The following OBP2B variants were observed in gnomAD, a reference collection of about 807,000 sequenced individuals.
OBP2B encodes the protein odorant binding protein 2B, also known as odorant-binding protein 2b.
OBP2B carries 10 observed loss-of-function variants against 21.7 expected under a neutral mutation model. The ratio of observed to expected loss-of-function variants is 0.46; its 90% CI spans 0.28 to 0.78. The LOEUF is 0.78. OBP2B is among the 30% of genes least tolerant of loss of function. The pLI is 0.11. For missense variants in OBP2B, 153 were observed against 217.7 expected (o/e 0.70, Z 1.87); for synonymous variants, 73 against 91.5 (o/e 0.80, Z 1.16).
chr9:133,222,248 C>T, the OBP2B span, among the ~76,000 whole-genome samples: 5 of 152,232 alleles, frequency 3.3e-5, no homozygotes, highest in Non-Finnish European at 4.4e-5. Context: ...CAGCAGGAGG[C>T]GCATCCCTGG....
the OBP2B span, among the ~76,000 whole-genome samples, chr9:133,215,136 A>G: frequency 1.3e-5 from 2 of 152,250 alleles, no homozygotes; most frequent in Non-Finnish European, 2.9e-5. Flanking sequence ...ACATACTAGT[A>G]ACGGACCCTA....
intron 4 of OBP2B, among the ~76,000 whole-genome samples, chr9:133,206,812 C>G (rs1417699823): frequency 6.6e-6 from 1 of 151,986 alleles, no homozygotes. Flanking sequence ...TCGGCAACCC[C>G]AGGGGACCTG....
chr9:133,206,174 A>C (rs551567857), intron 5 of OBP2B, 141 bp downstream of exon 5: 4 of 1,141,482 alleles, frequency 3.5e-6, no homozygotes, highest in Non-Finnish European at 3.9e-6. Context: ...GACGCTAAAC[A>C]GGGCCCGGGA....
chr9:133,217,927 GA>G, the OBP2B span, among the ~76,000 whole-genome samples: 1 of 152,234 alleles, frequency 6.6e-6, no homozygotes, highest in Admixed American at 6.5e-5. Flanking sequence ...CTCTAGAGCT[GA>G]TTGTTCATTG....
At chr9:133,205,797 C>T in intron 6 of OBP2B, 120 bp downstream of exon 6, 1 of 1,310,474 alleles carries the variant, frequency 7.6e-7, no homozygotes, top group Non-Finnish European at 1.1e-6. Context: ...AACCTCGTGC[C>T]TGACCCTGGG....
chr9:133,217,153 G>A, the OBP2B span, among the ~76,000 whole-genome samples: 3 of 152,120 alleles, frequency 2.0e-5, no homozygotes, highest in African/African-American at 7.2e-5. Context: ...TTTTATGTTT[G>A]ATTTTTGCAG....
At chr9:133,211,012 C>T (rs1430223299), upstream of OBP2B, among the ~76,000 whole-genome samples, 1 of 152,196 alleles carries the variant, frequency 6.6e-6, no homozygotes, top group Non-Finnish European at 1.5e-5. Flanking sequence ...TCTCTCTCAC[C>T]ACTTCCCTCA....
At chr9:133,207,975 C>G (rs1197004998) in intron 3 of OBP2B, 158 bp downstream of exon 3, 1 of 1,528,714 alleles carries the variant, frequency 6.5e-7, no homozygotes, top group African/African-American at 1.4e-5. Context: ...ATGTCAGGGC[C>G]ACCAGCCCCC....
In OBP2B at chr9:133,206,343, C is replaced by T; in HGVS notation, c.462G>A (p.Glu154=). ...KKLVQRKGLS[E]EDIFTPLQTG... The stretch of plus-strand genomic sequence containing the variant: ...TCTGCAGGGGCGTGAAAATGTCCTC[C>T]TCCGAGAGTCCCTTGCGCTGCACCA... Residue 154 remains glutamate, a synonymous_variant, in exon 5 of 7, where the codon GAG becomes GAA. Coordinates refer to ENST00000372034, the MANE Select transcript of OBP2B (RefSeq NM_014581.4). 1 of 1,614,126 alleles carries T rather than the reference C, an allele frequency of 6.2e-7. No individual in the cohort carries two copies. The highest frequency in any genetic ancestry group is 8.5e-7 in the Non-Finnish European group (1 of 1,179,996).
chr9:133,212,194 C>T (rs1441634190), upstream of OBP2B, among the ~76,000 whole-genome samples: 5 of 152,092 alleles, frequency 3.3e-5, no homozygotes, highest in African/African-American at 1.2e-4. Context: ...ATATGTGAAG[C>T]AAAACAGAAC....
the OBP2B span, among the ~76,000 whole-genome samples, chr9:133,216,569 A>G: frequency 2.6e-5 from 4 of 152,150 alleles, no homozygotes; most frequent in African/African-American, 9.7e-5. Flanking sequence ...ACTGATGTCC[A>G]TGCAAAAACC....
chr9:133,208,991 TCCACCACCAC>T, intron 1 of OBP2B, 127 bp downstream of exon 1: 1 of 921,354 alleles, frequency 1.1e-6, no homozygotes, highest in Non-Finnish European at 1.6e-6. Context: ...ATAGGACCCC[TCCACCACCAC>T]CCCAGGCTGG....
At chr9:133,219,073 T>G in the OBP2B span, among the ~76,000 whole-genome samples, 2 of 152,236 alleles carry the variant, frequency 1.3e-5, no homozygotes, top group Non-Finnish European at 2.9e-5. Flanking sequence ...GACAACTGGA[T>G]GTCCACATGC....
At position 133,207,295 on chromosome 9, in the gene OBP2B, T is replaced by C. The variant is rs782605708; in HGVS notation, c.319A>G (p.Arg107Gly). ...KLMYLQELPR[R>G]DHYIFYCKDQ... ...TTGCAGTAAAAGATGTAGTGGTCCC[T>C]CCTGGGCAGCTCCTGCAGGTACATG... is the stretch of plus-strand genomic sequence containing the variant. Residue 107 changes from arginine to glycine, a missense_variant, in exon 4 of 7, where the codon AGG (arginine) becomes GGG (glycine). Coordinates refer to ENST00000372034, the MANE Select transcript of OBP2B (RefSeq NM_014581.4). The C allele has an allele frequency of 1.2e-6, 2 of 1,613,776 alleles. No homozygotes were observed. Among genetic ancestry groups the C allele is most frequent in the Non-Finnish European group, 1.7e-6 (2 of 1,179,798 alleles).
intron 1 of OBP2B, 146 bp downstream of exon 1, chr9:133,208,982 T>C (rs1200033346): frequency 1.0e-6 from 1 of 971,916 alleles, no homozygotes; most frequent in Non-Finnish European, 1.5e-6. Flanking sequence ...GGAGGAACAA[T>C]AGGACCCCTC....
At chr9:133,222,958 T>C in the OBP2B span, among the ~76,000 whole-genome samples, 1 of 151,906 alleles carries the variant, frequency 6.6e-6, no homozygotes, top group African/African-American at 2.4e-5. Flanking sequence ...GAACACCCCT[T>C]CTCCCCTGCA....
Position 133,206,321 on chromosome 9 carries a change from G to A in OBP2B, c.484C>T (p.Gln162Ter). 2 of 1,613,912 alleles carry A rather than the reference G, an allele frequency of 1.2e-6. No individual in the cohort carries two copies. The highest frequency in any genetic ancestry group is 1.7e-6 in the Non-Finnish European group (2 of 1,179,794). The change falls in exon 5 of 7, where the codon CAG (glutamine) becomes TAG (stop). Residue 162 changes from glutamine to a stop codon, truncating the protein, a stop_gained. Coordinates refer to ENST00000372034, the MANE Select transcript of OBP2B (RefSeq NM_014581.4). LOFTEE classifies it high-confidence loss of function. ...LSEEDIFTPL[Q>*]TGSCVPEH ...TGGGCACAGCCATCCTCACCCGTCT[G>A]CAGGGGCGTGAAAATGTCCTCCTCC...
upstream of OBP2B, among the ~76,000 whole-genome samples, chr9:133,212,493 A>C (rs2119409488): frequency 6.6e-6 from 1 of 152,340 alleles, no homozygotes; most frequent in East Asian, 1.9e-4. Flanking sequence ...GACCACATGG[A>C]ATCTAACTAT....
the OBP2B span, among the ~76,000 whole-genome samples, chr9:133,220,730 C>G: frequency 0.058 from 8,786 of 152,006 alleles, 357 homozygotes; most frequent in African/African-American, 0.11. Context: ...CATGGTAAAA[C>G]GGACTTCACA....
Sources: gnomAD v4.1 joint callset for allele counts (sites outside exome capture counted in the v4.1 genomes callset) on GRCh38, gnomAD v4.1.1 for gene constraint, MANE v1.5 for transcripts, NCBI Gene and HGNC (gene_info 2026-07-23, HGNC 2026-07-21) for gene names.